The following AFAP1 variants were observed in gnomAD, a reference collection of about 807,000 sequenced individuals.
The protein encoded by AFAP1 is actin filament-associated protein 1.
In AFAP1, 75 loss-of-function variants were observed where a neutral mutation model predicts 93.9. The observed-to-expected ratio is 0.80, with a 90% confidence interval of 0.66 to 0.97. The LOEUF (loss-of-function observed/expected upper bound fraction) is 0.97. AFAP1 is among the 50% of genes least tolerant of loss of function. The pLI is 0.00. For synonymous variants in AFAP1, 517 were observed against 430.7 expected (o/e 1.20, Z -2.48); for missense variants, 1,201 against 1,050.8 (o/e 1.14, Z -1.98).
chr4:7,839,243 G>A (rs1244924559), intron 5 of AFAP1, among the ~76,000 whole-genome samples: 1 of 152,050 alleles, frequency 6.6e-6, no homozygotes, highest in Non-Finnish European at 1.5e-5. Context: ...GGCTGAGGCA[G>A]GAGGATCCCT....
chr4:7,926,691 G>A (rs1017082928), intron 1 of AFAP1, among the ~76,000 whole-genome samples: 1 of 152,140 alleles, frequency 6.6e-6, no homozygotes, highest in Non-Finnish European at 1.5e-5. Flanking sequence ...GGCTGCTGTA[G>A]GGCCTCTTCC....
chr4:7,870,102 T>A (rs910864601), intron 2 of AFAP1, among the ~76,000 whole-genome samples: 2 of 152,002 alleles, frequency 1.3e-5, no homozygotes, highest in African/African-American at 4.8e-5. Flanking sequence ...CCTCACAACA[T>A]CCCATGAGGT....
At chr4:7,871,262 G>A (rs953362377) in intron 2 of AFAP1, among the ~76,000 whole-genome samples, 48 of 152,188 alleles carry the variant, frequency 3.2e-4, no homozygotes, top group African/African-American at 1.1e-3. Flanking sequence ...CTGGCCTCTG[G>A]GAACGTGGAT....
chr4:7,847,793 C>CGGTGG (rs1553845889), intron 4 of AFAP1, among the ~76,000 whole-genome samples: 9 of 102,092 alleles, frequency 8.8e-5, no homozygotes, highest in African/African-American at 2.8e-4. Flanking sequence ...CAGGGGTACT[C>CGGTGG]GGGGTGGGGC....
At chr4:7,823,229 C>T (rs1458491485) in intron 6 of AFAP1, among the ~76,000 whole-genome samples, 1 of 151,030 alleles carries the variant, frequency 6.6e-6, no homozygotes, top group African/African-American at 2.4e-5. Context: ...ATGTCTACTT[C>T]GAAACAGCAA....
chr4:7,872,088 CA>C lies in AFAP1; in HGVS notation c.-2-9del. 1 of 1,613,620 alleles carries C rather than the reference CA, an allele frequency of 6.2e-7. No individual in the cohort carries two copies. The highest frequency in any genetic ancestry group is 8.5e-7 in the Non-Finnish European group (1 of 1,179,858). On this transcript the variant is annotated splice_polypyrimidine_tract_variant and intron_variant, in intron 1 of 17. Coordinates refer to ENST00000420658, the MANE Select transcript of AFAP1 (RefSeq NM_001134647.2). ...CTATTAACTCTTCCATTGCTGACAA[CA>C]AAAGAGGAAGAGTATTATTAGACCC...
At chr4:7,850,091 C>G (rs1174162239) in intron 4 of AFAP1, among the ~76,000 whole-genome samples, 6 of 152,114 alleles carry the variant, frequency 3.9e-5, no homozygotes, top group Non-Finnish European at 8.8e-5. Flanking sequence ...GAGCAGAGAT[C>G]TGACTTATGT....
In AFAP1 at chr4:7,763,364, A is replaced by AT. The variant is rs1714084219; in HGVS notation, c.*400dup. On this transcript the variant is annotated 3_prime_UTR_variant, in exon 18 of 18. Coordinates refer to ENST00000420658, the MANE Select transcript of AFAP1 (RefSeq NM_001134647.2). ...ACACTCATGCCCGGGGCAGCCGGGG[A>AT]TCCAAGCTCTTCCCTGTCGAATCCA... is the stretch of plus-strand genomic sequence containing the variant. 4.9e-6 allele frequency: 1 copy of AT among 204,840 alleles called. No homozygotes were observed. Among genetic ancestry groups the AT allele is most frequent in the South Asian group, 9.7e-5 (1 of 10,282 alleles). The allele number at this position is 204,840 out of a possible 1,614,324, so 12.7% of individuals were successfully genotyped here.
chr4:7,885,377 C>A (rs1289004794), intron 1 of AFAP1, among the ~76,000 whole-genome samples: 1 of 152,182 alleles, frequency 6.6e-6, no homozygotes, highest in Non-Finnish European at 1.5e-5. Context: ...TCGTCCCACA[C>A]ACACATCACT....
At chr4:7,936,366 C>T (rs1226460226) in intron 1 of AFAP1, among the ~76,000 whole-genome samples, 1 of 150,080 alleles carries the variant, frequency 6.7e-6, no homozygotes, top group African/African-American at 2.5e-5. Context: ...CACTCCGTCA[C>T]CCAGACTGGA....
chr4:7,877,091 T>C (rs1458427699), intron 1 of AFAP1, among the ~76,000 whole-genome samples: 1 of 152,230 alleles, frequency 6.6e-6, no homozygotes, highest in Non-Finnish European at 1.5e-5. Context: ...CTTAGTGATC[T>C]TAAGGTTTAC....
intron 11 of AFAP1, among the ~76,000 whole-genome samples, chr4:7,787,338 A>C (rs549788278): frequency 4.0e-4 from 61 of 152,364 alleles, no homozygotes; most frequent in African/African-American, 1.4e-3. Context: ...CTTTCATAGT[A>C]AACTGGTAAT....
chr4:7,882,791 G>A (rs571695845), intron 1 of AFAP1, among the ~76,000 whole-genome samples: 48 of 152,036 alleles, frequency 3.2e-4, no homozygotes, highest in African/African-American at 1.1e-3. Flanking sequence ...CCTGGGAGGC[G>A]GAGGCTGCAG....
chr4:7,862,545 T>C (rs1268827719), intron 3 of AFAP1, among the ~76,000 whole-genome samples: 1 of 152,186 alleles, frequency 6.6e-6, no homozygotes, highest in Non-Finnish European at 1.5e-5. Context: ...TTAACTGTCA[T>C]TTTAAGTGTA....
intron 17 of AFAP1, among the ~76,000 whole-genome samples, chr4:7,764,609 C>A (rs1046760870): frequency 6.6e-6 from 1 of 152,186 alleles, no homozygotes; most frequent in African/African-American, 2.4e-5. Context: ...TATGTAGATG[C>A]TTAAATCCAG....
chr4:7,862,895 G>C (rs146103759), intron 3 of AFAP1, among the ~76,000 whole-genome samples: 22 of 152,288 alleles, frequency 1.4e-4, no homozygotes, highest in Non-Finnish European at 2.9e-4. Flanking sequence ...ATGCTATGCT[G>C]AAGAAGGGTG....
At chr4:7,872,603 T>C (rs1717143307) in intron 1 of AFAP1, among the ~76,000 whole-genome samples, 1 of 152,142 alleles carries the variant, frequency 6.6e-6, no homozygotes, top group African/African-American at 2.4e-5. Flanking sequence ...AGGTGCTGAA[T>C]TCCCACCATG....
chr4:7,869,010 G>A (rs1212946599), intron 2 of AFAP1, among the ~76,000 whole-genome samples: 4 of 134,460 alleles, frequency 3.0e-5, no homozygotes, highest in South Asian at 4.8e-4. Context: ...AAAGAGAAAG[G>A]GAAAGGGAAA....
At chr4:7,811,901 G>T (rs1720079425) in intron 8 of AFAP1, among the ~76,000 whole-genome samples, 1 of 151,928 alleles carries the variant, frequency 6.6e-6, no homozygotes, top group African/African-American at 2.4e-5. Context: ...TCAGACTTAG[G>T]CCTCCTGTGA....
Sources: gnomAD v4.1 joint callset for allele counts (sites outside exome capture counted in the v4.1 genomes callset) on GRCh38, gnomAD v4.1.1 for gene constraint, MANE v1.5 for transcripts, NCBI Gene and HGNC (gene_info 2026-07-23, HGNC 2026-07-21) for gene names.